Variants in PLEKHA6 observed in about 807,000 individuals in gnomAD.
PLEKHA6 encodes the protein pleckstrin homology domain containing A6, also known as pleckstrin homology domain-containing family A member 6.
A neutral mutation model predicts 116.7 loss-of-function variants in PLEKHA6; 60 were observed. That is an observed-to-expected ratio of 0.51 (90% CI 0.42 to 0.64). PLEKHA6 has a LOEUF of 0.64. Ranked by LOEUF, PLEKHA6 falls within the 30% of genes least tolerant of loss-of-function variation. The pLI, the probability that PLEKHA6 is intolerant of heterozygous loss-of-function variation, is 0.00. For missense variants in PLEKHA6, 1,338 were observed against 1,422.7 expected (o/e 0.94, Z 0.96); for synonymous variants, 489 against 556.1 (o/e 0.88, Z 1.70).
chr1:204,280,876 G>T (rs1171356711), intron 1 of PLEKHA6: 2 of 267,616 alleles, frequency 7.5e-6, no homozygotes, highest in Non-Finnish European at 1.2e-5. Flanking sequence ...AGCTCCCCCT[G>T]CCATTTCCAG....
Position 204,259,753 on chromosome 1 carries a change from A to AAGGGAGATG in PLEKHA6, c.525-22_525-14dup, listed in dbSNP as rs1426681560. On this transcript the variant is annotated splice_polypyrimidine_tract_variant and intron_variant, in intron 7 of 22. Coordinates refer to ENST00000272203, the MANE Select transcript of PLEKHA6 (RefSeq NM_014935.5). This position sits in a 1 kb window ranked among gnomAD's most constrained non-coding sequence, Gnocchi z 4.6. The stretch of plus-strand genomic sequence containing the variant: ...TGGCTTCTCATGGCTGCAGGATGCC[A>AAGGGAGATG]AGGGAGATGCTGTCAGTGACTCTAG... 1.9e-6 allele frequency: 3 copies of AAGGGAGATG among 1,599,044 alleles called. No homozygotes were observed. Among genetic ancestry groups the AAGGGAGATG allele is most frequent in the Non-Finnish European group, 2.6e-6 (3 of 1,172,118 alleles).
At chr1:204,359,968 T>C (rs1673523002), upstream of PLEKHA6, 1 of 152,466 alleles carries the variant, frequency 6.6e-6, no homozygotes, top group South Asian at 2.1e-4. Flanking sequence ...CCCCCGGGGA[T>C]TTCAGGGCCA....
intron 1 of PLEKHA6, among the ~76,000 whole-genome samples, chr1:204,341,958 G>A (rs557861491): frequency 1.2e-4 from 18 of 152,244 alleles, no homozygotes; most frequent in South Asian, 1.0e-3. Context: ...AGGCTGAGGC[G>A]GGCAGATCAT....
At chr1:204,340,728 T>C (rs1443829489) in intron 1 of PLEKHA6, among the ~76,000 whole-genome samples, 2 of 152,056 alleles carry the variant, frequency 1.3e-5, no homozygotes, top group South Asian at 4.2e-4. Flanking sequence ...TGGGAGTCTA[T>C]AGAGAGAAAG....
chr1:204,362,306 G>A (rs756048029), upstream of PLEKHA6, among the ~76,000 whole-genome samples: 2 of 152,192 alleles, frequency 1.3e-5, no homozygotes, highest in Admixed American at 6.5e-5. Flanking sequence ...AAGGCGTGAG[G>A]TGGCGTGAGG....
intron 1 of PLEKHA6, among the ~76,000 whole-genome samples, chr1:204,315,267 T>C (rs1671812760): frequency 6.6e-6 from 1 of 152,142 alleles, no homozygotes. Flanking sequence ...AAATCCTCAG[T>C]GGTTACCCCT....
chr1:204,359,600 A>T, intron 1 of PLEKHA6, 94 bp downstream of exon 1: 1 of 985,358 alleles, frequency 1.0e-6, no homozygotes, highest in Non-Finnish European at 1.2e-6. Flanking sequence ...CAAGCAGCCC[A>T]GGCTCACGCG....
At chr1:204,352,071 C>A in intron 1 of PLEKHA6, among the ~76,000 whole-genome samples, 1 of 151,036 alleles carries the variant, frequency 6.6e-6, no homozygotes, top group Non-Finnish European at 1.5e-5. Flanking sequence ...GAGACTTTGT[C>A]TCAAAAAAAA....
Position 204,287,234 on chromosome 1 carries a change from C to CTT in PLEKHA6, c.-94-12427_-94-12426dup, listed in dbSNP as rs368394401. Among the ~76,000 whole-genome samples the CTT allele has an allele frequency of 1.8e-3, 266 of 143,822 alleles. 1 individual carries two copies. The highest frequency in any genetic ancestry group is 3.3e-3 in the Non-Finnish European group (218 of 65,458). 94.4% of individuals were successfully genotyped at this position (143,822 alleles called of 152,430 possible). ...CTTCCTTTTTGGTGACAGTCTCCCTCTTTTTTTTTTTTTTTAAATCACGTG... is the reference window on the plus strand; with the variant it reads ...CTTCCTTTTTGGTGACAGTCTCCCTCTTTTTTTTTTTTTTTTTAAATCACGTG... On this transcript the variant is annotated intron_variant, in intron 1 of 22. Coordinates refer to ENST00000272203, the MANE Select transcript of PLEKHA6 (RefSeq NM_014935.5).
In PLEKHA6 at chr1:204,261,494, C is replaced by T; in HGVS notation, c.382-46G>A. The T allele has an allele frequency of 6.4e-7, 1 of 1,555,532 alleles. No individual in the cohort carries two copies. On this transcript the variant is annotated intron_variant, in intron 6 of 22. Coordinates refer to ENST00000272203, the MANE Select transcript of PLEKHA6 (RefSeq NM_014935.5). The surrounding 1 kb of genome is among the most constrained non-coding windows in gnomAD (Gnocchi z 4.0). ...TGGAGCTGGCCTCGGCCTCATCCAC[C>T]CAGCACACAGTCACCTGTTGGGAGA...
At chr1:204,276,196 C>T (rs1667985375) in intron 1 of PLEKHA6, among the ~76,000 whole-genome samples, 1 of 152,114 alleles carries the variant, frequency 6.6e-6, no homozygotes, top group African/African-American at 2.4e-5. Flanking sequence ...GATAAAAGCA[C>T]AGCAGGCAGT....
At chr1:204,253,833 C>CAAAAAAAAA (rs5780222) in intron 9 of PLEKHA6, among the ~76,000 whole-genome samples, 1 of 131,942 alleles carries the variant, frequency 7.6e-6, no homozygotes, top group Admixed American at 7.5e-5. Flanking sequence ...GATCTTGTCT[C>CAAAAAAAAA]AAAAAAAAAA....
intron 2 of PLEKHA6, 37 bp from the exon 3 acceptor site, chr1:204,273,777 G>C: frequency 1.4e-6 from 2 of 1,436,124 alleles, no homozygotes; most frequent in Non-Finnish European, 9.8e-7. Context: ...AGATTGGTGA[G>C]ATCCAAGAAA....
At chr1:204,224,090 C>A (rs531735009) in intron 21 of PLEKHA6, among the ~76,000 whole-genome samples, 33 of 152,198 alleles carry the variant, frequency 2.2e-4, no homozygotes, top group African/African-American at 7.2e-4. Flanking sequence ...AAACTTAAAG[C>A]GAGTTCTGTC....
rs934166488 is a variant in PLEKHA6, at chr1:204,219,008, T to C, written c.*3780A>G. 5 of 152,574 alleles carry C rather than the reference T, an allele frequency of 3.3e-5. No homozygotes were observed. Among genetic ancestry groups the C allele is most frequent in the African/African-American group, 1.2e-4 (5 of 41,458 alleles). 9.5% of individuals were successfully genotyped at this position (152,574 alleles called of 1,614,324 possible). ...CCTGTTTCAGTCAGGCCATCCCTCC[T>C]CCTGGGGAGGGGGCTCATTGGCTAG... On this transcript the variant is annotated 3_prime_UTR_variant, in exon 23 of 23. Transcript: ENST00000272203.
intron 1 of PLEKHA6, among the ~76,000 whole-genome samples, chr1:204,292,611 G>A (rs930518223): frequency 4.6e-5 from 7 of 152,134 alleles, no homozygotes; most frequent in Non-Finnish European, 1.0e-4. Flanking sequence ...CCTCACCCTG[G>A]CTGACGCCTA....
chr1:204,370,119 T>TA (rs1257016171), intron 2 of PLEKHA6, among the ~76,000 whole-genome samples: 6 of 152,260 alleles, frequency 3.9e-5, no homozygotes, highest in African/African-American at 1.4e-4. Flanking sequence ...TGTATGCCTT[T>TA]AACCATGACA....
In PLEKHA6 at chr1:204,230,516, C is replaced by A. The variant is rs200865950; in HGVS notation, c.2480G>T (p.Arg827Leu). The change falls in exon 18 of 23, where the codon CGA (arginine) becomes CTA (leucine). Residue 827 changes from arginine to leucine, a missense_variant. Around this residue, in one of 3 missense-constraint regions of PLEKHA6, gnomAD observed 1,136 missense variants for 1,163.6 expected, o/e 0.98. Coordinates refer to ENST00000272203, the MANE Select transcript of PLEKHA6 (RefSeq NM_014935.5). ...VKMSVEEQID[R>L]MRRHQSGSMR... The stretch of plus-strand genomic sequence containing the variant: ...GGAGCCACTCTGGTGCCGCCGCATT[C>A]GGTCAATCTGCTCCTCCACGCTCAT... The A allele has an allele frequency of 8.2e-6, 13 of 1,594,356 alleles. No homozygotes were observed. The highest frequency in any genetic ancestry group is 1.0e-5 in the Non-Finnish European group (12 of 1,170,576).
intron 1 of PLEKHA6, among the ~76,000 whole-genome samples, chr1:204,279,121 G>C (rs181441300): frequency 3.2e-4 from 49 of 152,240 alleles, no homozygotes; most frequent in African/African-American, 7.2e-4. Flanking sequence ...GAAGGAGGAG[G>C]GGGTAGGGGC....
Sources: allele counts gnomAD v4.1 joint callset (sites outside exome capture counted in the v4.1 genomes callset), GRCh38; gene constraint gnomAD v4.1.1; regional missense constraint gnomAD v4.1.1; non-coding constraint Gnocchi (gnomAD v3.1); transcripts MANE v1.5; gene names NCBI Gene and HGNC (gene_info 2026-07-23, HGNC 2026-07-21).